The following PTPRC variants were observed in gnomAD, a reference collection of about 807,000 sequenced individuals.
The protein encoded by PTPRC is receptor-type tyrosine-protein phosphatase C.
In PTPRC, 44 loss-of-function variants were observed where a neutral mutation model predicts 155.9. The observed-to-expected ratio is 0.28, with a 90% CI of 0.22 to 0.36. The LOEUF (loss-of-function observed/expected upper bound fraction) is 0.36. PTPRC is among the 10% of genes least tolerant of loss of function. The pLI is 1.00. For synonymous variants in PTPRC, 525 were observed against 533.1 expected, an observed-to-expected ratio of 0.98 and a Z score of 0.21; for missense variants, 1,401 against 1,564.6, an observed-to-expected ratio of 0.90 and a Z score of 1.76.
At chr1:198,752,855 C>A in intron 31 of PTPRC, 83 bp downstream of exon 31, 2 of 1,463,500 alleles carry the variant, frequency 1.4e-6, no homozygotes, top group Non-Finnish European at 1.9e-6. Context: ...TAGTTATCCT[C>A]ATATATGAAA....
chr1:198,726,759 T>A (rs1461507339), intron 15 of PTPRC, among the ~76,000 whole-genome samples: 1 of 152,030 alleles, frequency 6.6e-6, no homozygotes. Flanking sequence ...AGAAAATACA[T>A]CCCCTCTACT....
At chr1:198,644,420 T>A (rs1236689129) in intron 2 of PTPRC, among the ~76,000 whole-genome samples, 3 of 151,866 alleles carry the variant, frequency 2.0e-5, no homozygotes, top group Non-Finnish European at 2.9e-5. Flanking sequence ...TATACAGGAA[T>A]AAAAATTATG....
At chr1:198,647,047 G>T (rs1261408444) in intron 2 of PTPRC, among the ~76,000 whole-genome samples, 1 of 151,790 alleles carries the variant, frequency 6.6e-6, no homozygotes, top group Non-Finnish European at 1.5e-5. Flanking sequence ...ATGTGACCTT[G>T]TTTGGTCTTC....
intron 14 of PTPRC, among the ~76,000 whole-genome samples, chr1:198,721,925 T>C (rs1419367908): frequency 7.3e-5 from 11 of 151,644 alleles, no homozygotes; most frequent in Admixed American, 5.9e-4. Context: ...ACTTCATTTG[T>C]ATTACATTTT....
intron 2 of PTPRC, among the ~76,000 whole-genome samples, chr1:198,677,887 A>G (rs1258795818): frequency 3.9e-5 from 6 of 152,216 alleles, no homozygotes; most frequent in Non-Finnish European, 5.9e-5. Flanking sequence ...CTAGGATTCA[A>G]AACTAGGTCA....
intron 6 of PTPRC, among the ~76,000 whole-genome samples, chr1:198,703,045 A>G (rs532078012): frequency 1.2e-4 from 18 of 152,342 alleles, no homozygotes; most frequent in African/African-American, 4.3e-4. Context: ...TCTGAGGAAG[A>G]TTGCATATCA....
At chr1:198,708,353 C>G in intron 10 of PTPRC, 92 bp downstream of exon 10, 1 of 1,239,214 alleles carries the variant, frequency 8.1e-7, no homozygotes, top group Non-Finnish European at 1.1e-6. Context: ...TTTCTCTCTT[C>G]CTCCCTGCCT....
At chr1:198,656,666 T>C (rs77362821) in intron 2 of PTPRC, among the ~76,000 whole-genome samples, 5 of 147,420 alleles carry the variant, frequency 3.4e-5, no homozygotes, top group African/African-American at 1.3e-4. Context: ...TTTTTTTTTT[T>C]TGTCATACAT....
At position 198,734,352 on chromosome 1, in the gene PTPRC, A is replaced by T. The variant is rs201711547; in HGVS notation, c.2204A>T (p.Asp735Val). The T allele has an allele frequency of 3.1e-6, 5 of 1,611,074 alleles. No individual in the cohort carries two copies. The East Asian group carries it at 1.1e-4, about 36-fold the overall frequency. ...AQGPRDETVD[D>V]FWRMIWEQKA... ...GGTCCCAGGGATGAAACTGTTGATG[A>T]TTTCTGGAGGATGATTTGGGAACAG... Residue 735 changes from aspartate (D) to valine (V), a missense_variant, in exon 22 of 33, where the codon GAT (aspartate) becomes GTT (valine). Asp to Val is a radical substitution (Grantham distance 152). Transcript: ENST00000442510.
chr1:198,729,323 C>A, intron 17 of PTPRC, 152 bp downstream of exon 17: 2 of 962,920 alleles, frequency 2.1e-6, no homozygotes, highest in African/African-American at 1.7e-5. Flanking sequence ...CTTATTGCAG[C>A]CTCCGCCTCC....
intron 2 of PTPRC, among the ~76,000 whole-genome samples, chr1:198,673,959 T>A (rs751905827): frequency 1.3e-5 from 2 of 152,232 alleles, no homozygotes; most frequent in African/African-American, 2.4e-5. Flanking sequence ...TATATATGCA[T>A]CTAGAGGCTA....
intron 23 of PTPRC, among the ~76,000 whole-genome samples, 184 bp from the exon 24 acceptor site, chr1:198,741,685 G>T (rs1469431551): frequency 6.6e-6 from 1 of 151,762 alleles, no homozygotes; most frequent in Admixed American, 6.6e-5. Context: ...ACTAGTTATT[G>T]ATTAGAAAGG....
Position 198,706,971 on chromosome 1 carries a change from C to A in PTPRC, c.904+19C>A, listed in dbSNP as rs749427083. On this transcript the variant is annotated intron_variant, in intron 9 of 32. Coordinates refer to ENST00000442510, the MANE Select transcript of PTPRC (RefSeq NM_002838.5). ...CCACCAGGTAAATATCAATTTATTT[C>A]TTTTAATAAATTTATAAAAACAGTA... 5.8e-6 allele frequency: 9 copies of A among 1,545,298 alleles called. No homozygotes were observed. The highest frequency in any genetic ancestry group is 1.1e-5 in the South Asian group (1 of 89,200).
intron 18 of PTPRC, 54 bp downstream of exon 18, chr1:198,731,780 T>C: frequency 7.5e-7 from 1 of 1,334,062 alleles, no homozygotes; most frequent in Middle Eastern, 1.8e-4. Flanking sequence ...ACAGTTCCAC[T>C]TTAAGTGTAT....
At chr1:198,701,836 C>T (rs1209354699) in intron 5 of PTPRC, among the ~76,000 whole-genome samples, 1 of 152,210 alleles carries the variant, frequency 6.6e-6, no homozygotes, top group African/African-American at 2.4e-5. Context: ...AAAAGAAAAC[C>T]TTTGAGCTCA....
intron 3 of PTPRC, chr1:198,694,629 C>A (rs1666102915): frequency 1.0e-6 from 1 of 985,242 alleles, no homozygotes; most frequent in African/African-American, 1.7e-5. Flanking sequence ...ATTGGTTTAA[C>A]CTAAAAATAA....
chr1:198,720,920 T>C (rs1653855504), intron 14 of PTPRC, among the ~76,000 whole-genome samples: 1 of 151,936 alleles, frequency 6.6e-6, no homozygotes, highest in Non-Finnish European at 1.5e-5. Context: ...CTATAATTTC[T>C]CAGAGGCACC....
chr1:198,753,641 G>C (rs1655488816), intron 31 of PTPRC, among the ~76,000 whole-genome samples: 1 of 152,002 alleles, frequency 6.6e-6, no homozygotes, highest in South Asian at 2.1e-4. Flanking sequence ...ATGTTTCTTA[G>C]AATATGATTT....
At chr1:198,651,562 G>A (rs1408404718) in intron 2 of PTPRC, among the ~76,000 whole-genome samples, 1 of 151,414 alleles carries the variant, frequency 6.6e-6, no homozygotes, top group African/African-American at 2.4e-5. Context: ...ACTTAATTTT[G>A]TACTTACTGG....
Sources: allele counts gnomAD v4.1 joint callset (sites outside exome capture counted in the v4.1 genomes callset), GRCh38; gene constraint gnomAD v4.1.1; transcripts MANE v1.5; gene names NCBI Gene and HGNC (gene_info 2026-07-23, HGNC 2026-07-21).